Variants in PCDH15 observed in about 807,000 individuals in gnomAD.
PCDH15 encodes the protein protocadherin-15.
A neutral mutation model predicts 178.5 loss-of-function variants in PCDH15; 129 were observed. That is an observed-to-expected ratio of 0.72 (90% CI 0.63 to 0.84). The LOEUF (loss-of-function observed/expected upper bound fraction) is 0.84, where lower values mean the gene tolerates loss of function less well. PCDH15 is among the 40% of genes least tolerant of loss of function. The probability of loss-of-function intolerance (pLI) is 0.00; values close to 1 mark genes in which losing one functional copy is unlikely to be tolerated. For synonymous variants in PCDH15, 800 were observed against 732.0 expected, an observed-to-expected ratio of 1.09 and a Z score of -1.50; for missense variants, 2,230 against 2,099.9, an observed-to-expected ratio of 1.06 and a Z score of -1.21.
At chr10:55,186,928 T>G (rs1219933123) in intron 1 of PCDH15, among the ~76,000 whole-genome samples, 1 of 151,884 alleles carries the variant, frequency 6.6e-6, no homozygotes. Context: ...TATATCAGTA[T>G]AGTGTGGGAA....
chr10:54,434,411 G>C (rs1205120034), intron 3 of PCDH15, among the ~76,000 whole-genome samples: 1 of 152,044 alleles, frequency 6.6e-6, no homozygotes, highest in Non-Finnish European at 1.5e-5. Context: ...GCCTTGCATT[G>C]GTGTACCACT....
chr10:55,152,334 A>G (rs1440681081), intron 2 of PCDH15, among the ~76,000 whole-genome samples: 2 of 125,602 alleles, frequency 1.6e-5, no homozygotes, highest in South Asian at 2.6e-4. Context: ...AGGTTTTGCC[A>G]TGTGGCAAAT....
intron 2 of PCDH15, among the ~76,000 whole-genome samples, chr10:55,144,537 T>A (rs574475188): frequency 1.3e-5 from 2 of 152,216 alleles, no homozygotes; most frequent in East Asian, 1.9e-4. Flanking sequence ...CAAAGAGGAT[T>A]GATGCAGACA....
intron 8 of PCDH15, among the ~76,000 whole-genome samples, chr10:54,286,768 A>G (rs1298553805): frequency 6.6e-6 from 1 of 152,144 alleles, no homozygotes; most frequent in African/African-American, 2.4e-5. Flanking sequence ...CTTGGATTAC[A>G]AGCACCACCA....
chr10:55,037,180 A>G (rs1170133840), intron 2 of PCDH15, among the ~76,000 whole-genome samples: 3 of 152,206 alleles, frequency 2.0e-5, no homozygotes, highest in Admixed American at 6.5e-5. Flanking sequence ...AATATCATAA[A>G]GGATCTGATC....
chr10:53,980,977 T>A (rs1226626380), intron 21 of PCDH15, among the ~76,000 whole-genome samples: 1 of 152,196 alleles, frequency 6.6e-6, no homozygotes, highest in African/African-American at 2.4e-5. Context: ...AGCTTTGTGA[T>A]GTCCTTTTAT....
At chr10:54,853,997 C>G (rs571157587) in intron 3 of PCDH15, among the ~76,000 whole-genome samples, 28 of 152,172 alleles carry the variant, frequency 1.8e-4, no homozygotes, top group Admixed American at 1.8e-3. Flanking sequence ...CTTATGCTAC[C>G]AGCCTGGGTC....
chr10:54,114,004 T>C (rs936346391), intron 15 of PCDH15, among the ~76,000 whole-genome samples: 1 of 152,100 alleles, frequency 6.6e-6, no homozygotes, highest in African/African-American at 2.4e-5. Context: ...TTCACTATCA[T>C]GAGAATGGCA....
At chr10:54,145,966 C>A (rs1474098660) in intron 14 of PCDH15, among the ~76,000 whole-genome samples, 1 of 152,026 alleles carries the variant, frequency 6.6e-6, no homozygotes, top group South Asian at 2.1e-4. Context: ...GGTAAAACTG[C>A]ACTTGTATTT....
chr10:55,609,871 T>C (rs545889051), intron 2 of PCDH15, among the ~76,000 whole-genome samples: 1 of 152,218 alleles, frequency 6.6e-6, no homozygotes, highest in Non-Finnish European at 1.5e-5. Context: ...AAATATCTGA[T>C]CATATATTGT....
chr10:53,990,643 G>A (rs938959210), intron 21 of PCDH15, among the ~76,000 whole-genome samples: 3 of 151,652 alleles, frequency 2.0e-5, no homozygotes, highest in Non-Finnish European at 2.9e-5. Context: ...ATATTGAGAG[G>A]TGACAACATG....
At chr10:54,464,558 G>A (rs1356709156) in intron 3 of PCDH15, among the ~76,000 whole-genome samples, 1 of 151,932 alleles carries the variant, frequency 6.6e-6, no homozygotes, top group Non-Finnish European at 1.5e-5. Flanking sequence ...TCATATTTGG[G>A]GTTATTGTCT....
chr10:54,248,759 TAAC>T (rs2056220317), intron 8 of PCDH15, among the ~76,000 whole-genome samples: 1 of 152,000 alleles, frequency 6.6e-6, no homozygotes, highest in South Asian at 2.1e-4. Context: ...TTATAAAAAA[TAAC>T]AACAAACAGA....
intron 1 of PCDH15, among the ~76,000 whole-genome samples, chr10:55,173,949 A>T (rs975991834): frequency 1.3e-5 from 2 of 152,136 alleles, no homozygotes; most frequent in Non-Finnish European, 2.9e-5. Flanking sequence ...AATATGAATT[A>T]CTGCATTTCA....
chr10:53,972,313 T>TAAA lies in PCDH15; in HGVS notation c.2869-10422_2869-10421insTTT, dbSNP rs2089781621. ...CAAGATGGATTAAAGACTTAGATGT[T>TAAA]AGACCTAAAACCATAAAAACTCTAG... is the stretch of plus-strand genomic sequence containing the variant. On this transcript the variant is annotated intron_variant, in intron 21 of 37. Transcript: ENST00000644397. Among the ~76,000 whole-genome samples, 4 of 142,268 alleles carry TAAA rather than the reference T, an allele frequency of 2.8e-5. No homozygotes were observed. In the South Asian group the frequency reaches 8.9e-4, roughly 32 times the overall value. 93.3% of individuals were successfully genotyped at this position (142,268 alleles called of 152,430 possible). A position where few individuals can be genotyped will look rare whatever the true frequency, so the allele number is the denominator to read the frequency against.
At chr10:55,179,008 G>T (rs911225810) in intron 1 of PCDH15, among the ~76,000 whole-genome samples, 1 of 151,996 alleles carries the variant, frequency 6.6e-6, no homozygotes, top group African/African-American at 2.4e-5. Context: ...TGTTATCTCT[G>T]GCACAAGATT....
intron 5 of PCDH15, among the ~76,000 whole-genome samples, chr10:54,359,710 G>T (rs1456678840): frequency 6.6e-6 from 1 of 151,930 alleles, no homozygotes; most frequent in African/African-American, 2.4e-5. Context: ...GGAAGAGATA[G>T]ATTTTCATGT....
intron 21 of PCDH15, among the ~76,000 whole-genome samples, chr10:53,992,376 G>A (rs1032451330): frequency 1.3e-5 from 2 of 152,146 alleles, no homozygotes; most frequent in African/African-American, 4.8e-5. Flanking sequence ...GAACCCACCA[G>A]TTTCGGAGAC....
At chr10:54,951,116 TATAG>T (rs1838326713) in intron 2 of PCDH15, among the ~76,000 whole-genome samples, 1 of 151,960 alleles carries the variant, frequency 6.6e-6, no homozygotes, top group Non-Finnish European at 1.5e-5. Flanking sequence ...TTTTGTGTTG[TATAG>T]ACTATGGGTT....
Sources: gnomAD v4.1 joint callset for allele counts (sites outside exome capture counted in the v4.1 genomes callset) on GRCh38, gnomAD v4.1.1 for gene constraint, MANE v1.5 for transcripts, NCBI Gene and HGNC (gene_info 2026-07-23, HGNC 2026-07-21) for gene names.